The following DTNA variants were observed in gnomAD, a reference collection of about 807,000 sequenced individuals.
DTNA encodes the protein dystrophin-related protein 3.
Under a neutral mutation model 100.7 loss-of-function variants are expected in DTNA, and 43 were observed. The ratio of observed to expected loss-of-function variants is 0.43; its 90% CI spans 0.33 to 0.55. The LOEUF is 0.55. Among genes scored for constraint, DTNA ranks in the 20% least tolerant of loss-of-function variants. The probability of loss-of-function intolerance (pLI) is 0.04; values close to 1 mark genes in which losing one functional copy is unlikely to be tolerated. For synonymous variants in DTNA, 349 were observed against 347.9 expected, an observed-to-expected ratio of 1.00 and a Z score of -0.04; for missense variants, 798 against 953.9, an observed-to-expected ratio of 0.84 and a Z score of 2.15.
rs1029837245 is a variant in DTNA at position 34,888,475 on chromosome 18, C to T, written c.*741C>T. 4.1e-6 allele frequency: 4 copies of T among 985,540 alleles called. No individual in the cohort carries two copies. In the African/African-American group the frequency reaches 5.2e-5, roughly 13 times the overall value. 61.0% of individuals were successfully genotyped at this position (985,540 alleles called of 1,614,324 possible). A position where few individuals can be genotyped will look rare whatever the true frequency, so the allele number is the denominator to read the frequency against. On this transcript the variant is annotated 3_prime_UTR_variant, in exon 23 of 23. Coordinates refer to ENST00000444659, the MANE Select transcript of DTNA (RefSeq NM_001386795.1). ...CATTCTTTGGGGCCTCTTTCCAACT[C>T]GAGGTTGTTTTCTTTCAAGATACTC... is the stretch of plus-strand genomic sequence containing the variant.
intron 1 of DTNA, among the ~76,000 whole-genome samples, chr18:34,683,249 T>A (rs3910171): frequency 0.15 from 23,227 of 152,146 alleles, 3,159 homozygotes; most frequent in African/African-American, 0.37. Flanking sequence ...TAAATACTGG[T>A]TGTATTGGAA....
At chr18:34,787,921 TA>T (rs2148923268) in intron 3 of DTNA, among the ~76,000 whole-genome samples, 1 of 152,332 alleles carries the variant, frequency 6.6e-6, no homozygotes, top group East Asian at 1.9e-4. Flanking sequence ...AAGAACTAAA[TA>T]TTAGGTTAAG....
chr18:34,809,690 C>T (rs1050617783), intron 5 of DTNA, among the ~76,000 whole-genome samples: 17 of 152,244 alleles, frequency 1.1e-4, no homozygotes, highest in African/African-American at 3.4e-4. Context: ...GTTCCAGCTA[C>T]TCCCTTATTG....
At chr18:34,543,792 GAAAC>G (rs2044487773) in intron 1 of DTNA, among the ~76,000 whole-genome samples, 1 of 152,034 alleles carries the variant, frequency 6.6e-6, no homozygotes, top group African/African-American at 2.4e-5. Flanking sequence ...CACATACAAA[GAAAC>G]AATTGGAATT....
chr18:34,849,843 C>G (rs1283903392), intron 14 of DTNA, among the ~76,000 whole-genome samples: 1 of 152,210 alleles, frequency 6.6e-6, no homozygotes, highest in African/African-American at 2.4e-5. Flanking sequence ...TTGCCACAAC[C>G]CCTACCCTGG....
chr18:34,684,212 A>G (rs1032905887), intron 1 of DTNA, among the ~76,000 whole-genome samples: 3 of 152,136 alleles, frequency 2.0e-5, no homozygotes, highest in Admixed American at 2.0e-4. Flanking sequence ...AGTTTGCTAC[A>G]CAGGCATACA....
chr18:34,849,266 A>G (rs1342738680), intron 14 of DTNA, among the ~76,000 whole-genome samples: 1 of 152,238 alleles, frequency 6.6e-6, no homozygotes, highest in Non-Finnish European at 1.5e-5. Flanking sequence ...CTGAGAATAC[A>G]GGAGAATTAG....
chr18:34,741,413 T>C, intron 1 of DTNA, among the ~76,000 whole-genome samples: 1 of 152,338 alleles, frequency 6.6e-6, no homozygotes, highest in Middle Eastern at 3.4e-3. Flanking sequence ...ATCTTTGCTA[T>C]ATTTACCTCT....
At position 34,623,491 on chromosome 18, in the gene DTNA, CTATT is replaced by C. The variant is rs1214284050; in HGVS notation, c.-2+129980_-2+129983del. On this transcript the variant is annotated intron_variant, in intron 1 of 19. Transcript: ENST00000283365. ...TTATCTTTCTGGAACCTTTGCTTCT[CTATT>C]TAGTTTTCACCAATTAGTTTCAGGA... Among the ~76,000 whole-genome samples the C allele has an allele frequency of 3.9e-5, 6 of 152,300 alleles. No individual in the cohort carries two copies. The East Asian group carries it at 5.8e-4, about 15-fold the overall frequency.
At chr18:34,848,981 C>T (rs537900918) in intron 14 of DTNA, among the ~76,000 whole-genome samples, 1 of 152,166 alleles carries the variant, frequency 6.6e-6, no homozygotes, top group African/African-American at 2.4e-5. Context: ...TTATCAGAGC[C>T]CTTCATGCTG....
At chr18:34,771,719 A>G (rs1473806440) in intron 3 of DTNA, among the ~76,000 whole-genome samples, 2 of 152,210 alleles carry the variant, frequency 1.3e-5, no homozygotes, top group Non-Finnish European at 2.9e-5. Context: ...ATGGAGCAGA[A>G]CAAAGAATAC....
At chr18:34,499,831 T>C (rs1258038287) in intron 1 of DTNA, among the ~76,000 whole-genome samples, 1 of 152,204 alleles carries the variant, frequency 6.6e-6, no homozygotes, top group Non-Finnish European at 1.5e-5. Context: ...TTTTATGCTA[T>C]GTTTTGAGAA....
At chr18:34,504,972 C>A (rs140953746) in intron 1 of DTNA, among the ~76,000 whole-genome samples, 53 of 152,274 alleles carry the variant, frequency 3.5e-4, no homozygotes, top group African/African-American at 1.2e-3. Flanking sequence ...GAATTTTAGA[C>A]CTTTTGTTAT....
intron 1 of DTNA, among the ~76,000 whole-genome samples, chr18:34,668,703 C>T (rs2076300745): frequency 1.3e-5 from 2 of 152,094 alleles, no homozygotes; most frequent in Non-Finnish European, 2.9e-5. Context: ...CATTCAGGAG[C>T]AGGTTGTTCA....
chr18:34,829,074 G>T, intron 10 of DTNA: 1 of 1,614,056 alleles, frequency 6.2e-7, no homozygotes, highest in Non-Finnish European at 8.5e-7. Flanking sequence ...GCGTCTAGAT[G>T]GATAACATGA....
chr18:34,797,912 C>A (rs2095050517), intron 4 of DTNA, among the ~76,000 whole-genome samples: 1 of 152,202 alleles, frequency 6.6e-6, no homozygotes, highest in South Asian at 2.1e-4. Context: ...TTCTTATGAA[C>A]AGCACCTGAG....
At chr18:34,792,642 A>G (rs922874023) in intron 3 of DTNA, among the ~76,000 whole-genome samples, 2 of 152,258 alleles carry the variant, frequency 1.3e-5, no homozygotes, top group Admixed American at 6.5e-5. Flanking sequence ...ATGCAAAAGC[A>G]TAATGAAAAG....
chr18:34,868,577 A>G (rs2096732380), intron 17 of DTNA: 2 of 985,318 alleles, frequency 2.0e-6, no homozygotes, highest in South Asian at 9.4e-5. Context: ...ACCCCCACAC[A>G]ACAAATTGTG....
chr18:34,637,501 A>T (rs1277578151), intron 1 of DTNA, among the ~76,000 whole-genome samples: 1 of 152,226 alleles, frequency 6.6e-6, no homozygotes, highest in Non-Finnish European at 1.5e-5. Flanking sequence ...ATGGCAAGTT[A>T]GTTAATTAAA....
Sources: allele counts gnomAD v4.1 joint callset (sites outside exome capture counted in the v4.1 genomes callset), GRCh38; gene constraint gnomAD v4.1.1; transcripts MANE v1.5; gene names NCBI Gene and HGNC (gene_info 2026-07-23, HGNC 2026-07-21).